Variants in ZFHX4 observed in about 807,000 individuals in gnomAD.
ZFHX4 encodes the protein zinc finger homeobox 4, also known as zinc finger homeobox protein 4.
Under a neutral mutation model 267.6 loss-of-function variants are expected in ZFHX4, and 56 were observed. That is an observed-to-expected ratio of 0.21 (90% CI 0.17 to 0.26). The LOEUF is 0.26. ZFHX4 is among the 10% of genes least tolerant of loss of function. The probability of loss-of-function intolerance (pLI) is 1.00; values close to 1 mark genes in which losing one functional copy is unlikely to be tolerated. For synonymous variants in ZFHX4, 1,778 were observed against 1,665.6 expected (o/e 1.07, Z -1.64); for missense variants, 4,332 against 4,420.0 (o/e 0.98, Z 0.56).
intron 1 of ZFHX4, among the ~76,000 whole-genome samples, chr8:76,699,582 G>A (rs1426710482): frequency 6.6e-6 from 1 of 151,974 alleles, no homozygotes; most frequent in Non-Finnish European, 1.5e-5. Context: ...TGAGAAACAG[G>A]CAATTCCCCT....
chr8:76,696,890 T>C (rs1263769614), intron 1 of ZFHX4, among the ~76,000 whole-genome samples: 1 of 151,998 alleles, frequency 6.6e-6, no homozygotes, highest in Non-Finnish European at 1.5e-5. Context: ...TATAGTAAGA[T>C]GCACTTGGTA....
At chr8:76,745,899 T>C (rs901701907) in intron 3 of ZFHX4, among the ~76,000 whole-genome samples, 1 of 152,226 alleles carries the variant, frequency 6.6e-6, no homozygotes, top group Admixed American at 6.5e-5. Flanking sequence ...TTTAATATAC[T>C]GGCCTGCTCC....
chr8:76,711,228 G>A (rs1023062650), intron 3 of ZFHX4, among the ~76,000 whole-genome samples: 4 of 152,012 alleles, frequency 2.6e-5, no homozygotes, highest in African/African-American at 7.2e-5. Flanking sequence ...AAGCAATTTT[G>A]TTACTGTTAA....
intron 4 of ZFHX4, among the ~76,000 whole-genome samples, chr8:76,809,792 T>C (rs1811329710): frequency 1.3e-5 from 2 of 152,144 alleles, no homozygotes; most frequent in African/African-American, 4.8e-5. Context: ...ATTAAAAAAT[T>C]AAAATGTATA....
chr8:76,823,330 C>T (rs1239077990), intron 4 of ZFHX4, among the ~76,000 whole-genome samples: 1 of 152,118 alleles, frequency 6.6e-6, no homozygotes. Context: ...ATTTTTTCTG[C>T]TGCTCACACA....
chr8:76,728,550 A>G (rs1280343215), intron 3 of ZFHX4, among the ~76,000 whole-genome samples: 1 of 152,208 alleles, frequency 6.6e-6, no homozygotes, highest in African/African-American at 2.4e-5. Context: ...CACAAATTGG[A>G]AAGTCTGCCC....
At chr8:76,778,713 A>G (rs941690186) in intron 4 of ZFHX4, among the ~76,000 whole-genome samples, 4 of 152,222 alleles carry the variant, frequency 2.6e-5, no homozygotes, top group Non-Finnish European at 5.9e-5. Flanking sequence ...AGGATCTCAC[A>G]GTGAAATTTT....
At chr8:76,809,307 GC>G (rs1811319468) in intron 4 of ZFHX4, among the ~76,000 whole-genome samples, 1 of 152,126 alleles carries the variant, frequency 6.6e-6, no homozygotes, top group South Asian at 2.1e-4. Context: ...GGGCATTTTT[GC>G]AAGTGTGAAT....
In ZFHX4 at chr8:76,704,934, G is replaced by A. The variant is rs888095047; in HGVS notation, c.846G>A (p.Leu282=). The change falls in exon 2 of 11, where the codon TTG becomes TTA. Residue 282 remains leucine, a synonymous_variant. Coordinates refer to ENST00000651372, the MANE Select transcript of ZFHX4 (RefSeq NM_024721.5). ...GKRKPVLMCF[L]CKLSFGYIRS... ...GGAAACCTGTTTTAATGTGTTTCTT[G>A]TGCAAGTTGTCTTTTGGTTATATCA... 6.2e-7 allele frequency: 1 copy of A among 1,614,076 alleles called. No individual in the cohort carries two copies. Among genetic ancestry groups the A allele is most frequent in the Non-Finnish European group, 8.5e-7 (1 of 1,179,918 alleles).
At chr8:76,771,390 A>C (rs1443440590) in intron 3 of ZFHX4, among the ~76,000 whole-genome samples, 1 of 152,080 alleles carries the variant, frequency 6.6e-6, no homozygotes, top group African/African-American at 2.4e-5. Context: ...CTGAATTGTT[A>C]AATTCATGAA....
At chr8:76,806,156 G>A (rs1053814278) in intron 4 of ZFHX4, among the ~76,000 whole-genome samples, 7 of 152,076 alleles carry the variant, frequency 4.6e-5, no homozygotes, top group African/African-American at 1.7e-4. Flanking sequence ...TCATCTTCAA[G>A]CAGATCTCCT....
At chr8:76,762,658 CAG>C (rs1809947036) in intron 3 of ZFHX4, among the ~76,000 whole-genome samples, 2 of 152,106 alleles carry the variant, frequency 1.3e-5, no homozygotes, top group Non-Finnish European at 2.9e-5. Context: ...TAAATATACA[CAG>C]AGCTAATTTA....
intron 1 of ZFHX4, among the ~76,000 whole-genome samples, chr8:76,692,977 T>A (rs896732763): frequency 2.6e-5 from 4 of 152,200 alleles, no homozygotes; most frequent in Non-Finnish European, 5.9e-5. Context: ...GACAAAGCAT[T>A]TTTTAATATT....
intron 6 of ZFHX4, among the ~76,000 whole-genome samples, chr8:76,844,065 AG>A (rs1812305071): frequency 6.6e-6 from 1 of 152,202 alleles, no homozygotes; most frequent in Non-Finnish European, 1.5e-5. Context: ...AAGAAGCCAT[AG>A]CTGTATATTA....
chr8:76,821,108 A>G (rs140304026), intron 4 of ZFHX4, among the ~76,000 whole-genome samples: 1 of 149,066 alleles, frequency 6.7e-6, no homozygotes, highest in East Asian at 2.0e-4. Context: ...TTCACCCTCA[A>G]TGTTTTTCAG....
intron 4 of ZFHX4, among the ~76,000 whole-genome samples, chr8:76,801,281 G>T (rs1220104069): frequency 6.6e-6 from 1 of 152,090 alleles, no homozygotes; most frequent in Non-Finnish European, 1.5e-5. Flanking sequence ...CAACCAAAAG[G>T]TTTAGCCTTA....
In ZFHX4 at chr8:76,861,696, T is replaced by C. The variant is rs145332779; in HGVS notation, c.9380-1398T>C. 4.0e-3 allele frequency among the ~76,000 whole-genome samples: 616 copies of C among 152,118 alleles called. 10 individuals are homozygous for C. Among genetic ancestry groups the C allele is most frequent in the Admixed American group, 0.032 (486 of 15,266 alleles). On this transcript the variant is annotated intron_variant, in intron 10 of 10. Transcript: ENST00000651372. Reference sequence around the variant, plus strand: ...CAATTAAGAAACTATGGAGGTTTTTTATTTTTATTTTTTATTTTTTTATTA... The same window carrying C: ...CAATTAAGAAACTATGGAGGTTTTTCATTTTTATTTTTTATTTTTTTATTA...
At chr8:76,722,014 G>A (rs1362082042) in intron 3 of ZFHX4, among the ~76,000 whole-genome samples, 2 of 151,896 alleles carry the variant, frequency 1.3e-5, no homozygotes, top group African/African-American at 4.8e-5. Context: ...AATATTCGAT[G>A]TTGAAAGTCT....
chr8:76,774,512 C>A (rs1810354111), intron 3 of ZFHX4, among the ~76,000 whole-genome samples: 1 of 151,888 alleles, frequency 6.6e-6, no homozygotes, highest in Non-Finnish European at 1.5e-5. Context: ...TAAATCTTAA[C>A]TAAGTTGTTT....
Sources: allele counts gnomAD v4.1 joint callset (sites outside exome capture counted in the v4.1 genomes callset), GRCh38; gene constraint gnomAD v4.1.1; transcripts MANE v1.5; gene names NCBI Gene and HGNC (gene_info 2026-07-23, HGNC 2026-07-21).